MYT1L: variants seen among roughly 807,000 people sequenced by gnomAD.
The protein encoded by MYT1L is myelin transcription factor 1 like, also known as myelin transcription factor 1-like protein.
Under a neutral mutation model 126.7 loss-of-function variants are expected in MYT1L, and 12 were observed. That is an observed-to-expected ratio of 0.09 (90% confidence interval 0.06 to 0.15). The LOEUF (loss-of-function observed/expected upper bound fraction) is 0.15. Among genes scored for constraint, MYT1L ranks in the 10% least tolerant of loss-of-function variants. The pLI is 1.00. For synonymous variants in MYT1L, 541 were observed against 604.2 expected, an observed-to-expected ratio of 0.90 and a Z score of 1.53; for missense variants, 979 against 1,585.2, an observed-to-expected ratio of 0.62 and a Z score of 6.49.
chr2:1,865,931 C>T (rs1413957992), intron 18 of MYT1L, among the ~76,000 whole-genome samples: 1 of 152,214 alleles, frequency 6.6e-6, no homozygotes, highest in South Asian at 2.1e-4. Flanking sequence ...GAAATAGGCA[C>T]AGGCATTCAG....
chr2:2,106,521 G>A (rs2150530190), intron 3 of MYT1L, among the ~76,000 whole-genome samples: 1 of 152,304 alleles, frequency 6.6e-6, no homozygotes, highest in East Asian at 1.9e-4. Flanking sequence ...AGGAGGCTGA[G>A]GCAGGAGAAT....
intron 8 of MYT1L, among the ~76,000 whole-genome samples, chr2:1,945,162 C>T (rs776621513): frequency 1.1e-4 from 16 of 152,132 alleles, no homozygotes; most frequent in Non-Finnish European, 1.8e-4. Context: ...GAGAGTCCGG[C>T]GGGGTCCAAT....
In MYT1L at chr2:1,789,409, T is replaced by A. The variant is rs1484433084; in HGVS notation, c.*2458A>T. 4 of 152,228 alleles carry A rather than the reference T, an allele frequency of 2.6e-5. No homozygotes were observed. Among genetic ancestry groups the A allele is most frequent in the African/African-American group, 9.6e-5 (4 of 41,454 alleles). 9.4% of individuals were successfully genotyped at this position (152,228 alleles called of 1,614,324 possible). A position where few individuals can be genotyped will look rare whatever the true frequency, so the allele number is the denominator to read the frequency against. ...AGAAATGAATATGAACAATAAGTTA[T>A]AATAAACTCTGATGACTCACAATAA... On this transcript the variant is annotated 3_prime_UTR_variant, in exon 25 of 25. Coordinates refer to ENST00000647738, the MANE Select transcript of MYT1L (RefSeq NM_001303052.2).
chr2:2,051,041 A>G (rs1443064831), intron 4 of MYT1L, among the ~76,000 whole-genome samples: 2 of 152,184 alleles, frequency 1.3e-5, no homozygotes, highest in African/African-American at 4.8e-5. Flanking sequence ...AACTTCTTAG[A>G]GAGGACCATT....
At chr2:1,794,916 G>A (rs760918386) in intron 23 of MYT1L, among the ~76,000 whole-genome samples, 2 of 152,206 alleles carry the variant, frequency 1.3e-5, no homozygotes, top group Non-Finnish European at 2.9e-5. Flanking sequence ...TCCTGAACCA[G>A]GCTGCTTGGT....
At chr2:2,295,182 G>T (rs938021634) in intron 1 of MYT1L, among the ~76,000 whole-genome samples, 2 of 152,210 alleles carry the variant, frequency 1.3e-5, no homozygotes, top group African/African-American at 4.8e-5. Context: ...AGCTGAGACA[G>T]AGGAGCCAGG....
intron 8 of MYT1L, among the ~76,000 whole-genome samples, chr2:1,956,237 T>TATCTATCTGTCTATC (rs1558530321): frequency 7.8e-6 from 1 of 128,828 alleles, no homozygotes; most frequent in African/African-American, 2.7e-5. Flanking sequence ...GTCTATCATC[T>TATCTATCTGTCTATC]ATCTATCCTA....
intron 22 of MYT1L, among the ~76,000 whole-genome samples, chr2:1,805,800 C>A (rs1177508553): frequency 6.6e-6 from 1 of 152,160 alleles, no homozygotes; most frequent in Non-Finnish European, 1.5e-5. Flanking sequence ...GTGGGAGGAT[C>A]GCTTGACCCT....
chr2:1,904,789 C>A (rs1245437107), intron 13 of MYT1L, among the ~76,000 whole-genome samples: 1 of 143,888 alleles, frequency 6.9e-6, no homozygotes, highest in African/African-American at 2.8e-5. Context: ...AACCACCACG[C>A]CTGGCTAATT....
intron 9 of MYT1L, among the ~76,000 whole-genome samples, chr2:1,933,890 C>T (rs968320742): frequency 6.6e-6 from 1 of 151,714 alleles, no homozygotes; most frequent in African/African-American, 2.4e-5. Flanking sequence ...TTTAAATAAA[C>T]ACATTGGTCT....
intron 3 of MYT1L, among the ~76,000 whole-genome samples, chr2:2,157,383 G>C (rs960461208): frequency 2.0e-5 from 3 of 152,162 alleles, no homozygotes; most frequent in African/African-American, 7.2e-5. Context: ...CCATGGACTA[G>C]ACTTTTGTAA....
Position 1,852,038 on chromosome 2 carries a change from C to A in MYT1L, c.2712-335G>T, listed in dbSNP as rs1238643133. On this transcript the variant is annotated intron_variant, in intron 18 of 24. Coordinates refer to ENST00000647738, the MANE Select transcript of MYT1L (RefSeq NM_001303052.2). This position sits in a 1 kb window ranked among gnomAD's most constrained non-coding sequence, Gnocchi z 4.0. ...CATTCTTAAAGCTCAGCAGAGCCAG[C>A]AACCACAGGGCTTGTTACTGCACCA... Among the ~76,000 whole-genome samples, 1 of 152,190 alleles carries A rather than the reference C, an allele frequency of 6.6e-6. No homozygotes were observed. The highest frequency in any genetic ancestry group is 2.4e-5 in the African/African-American group (1 of 41,440).
chr2:2,004,320 GGCGTTCTTTCCT>G (rs1558698534), intron 4 of MYT1L, among the ~76,000 whole-genome samples: 1 of 20,370 alleles, frequency 4.9e-5, no homozygotes, highest in African/African-American at 2.4e-4. Flanking sequence ...CTTTCCTGCA[GGCGTTCTTTCCT>G]GCATACGTTC....
At position 1,791,917 on chromosome 2, in the gene MYT1L, T is replaced by C; in HGVS notation, c.3511A>G (p.Lys1171Glu). 1 of 1,611,992 alleles carries C rather than the reference T, an allele frequency of 6.2e-7. No individual in the cohort carries two copies. The highest frequency in any genetic ancestry group is 8.5e-7 in the Non-Finnish European group (1 of 1,179,396). The change falls in exon 25 of 25, where the codon AAA (lysine) becomes GAA (glutamate). Residue 1171 changes from lysine to glutamate, a missense_variant. Lys to Glu is a moderately conservative substitution (Grantham distance 56). This residue lies in a region of MYT1L where 179 missense variants were observed against 398.6 expected (regional missense o/e 0.45). Coordinates refer to ENST00000647738, the MANE Select transcript of MYT1L (RefSeq NM_001303052.2). This position sits in a 1 kb window ranked among gnomAD's most constrained non-coding sequence, Gnocchi z 6.0. ...TGCTTTATATTTTCCAGTAGGGCTT[T>C]ATTTTCTGGACTCTGATAACGATCT... ...NQDRYQSPEN[K>E]ALLENIKQAV...
chr2:1,976,344 A>G (rs2060185009), intron 8 of MYT1L, among the ~76,000 whole-genome samples: 2 of 152,084 alleles, frequency 1.3e-5, no homozygotes, highest in Non-Finnish European at 2.9e-5. Flanking sequence ...CAAAACCAGT[A>G]AAAAAACAAT....
intron 21 of MYT1L, among the ~76,000 whole-genome samples, chr2:1,838,937 A>AG (rs1572721141): frequency 6.6e-6 from 1 of 152,224 alleles, no homozygotes; most frequent in East Asian, 1.9e-4. Flanking sequence ...GATGGGGCTG[A>AG]GGGAGGCTGG....
At chr2:1,833,060 G>A (rs2040400257) in intron 21 of MYT1L, among the ~76,000 whole-genome samples, 1 of 152,178 alleles carries the variant, frequency 6.6e-6, no homozygotes, top group Non-Finnish European at 1.5e-5. Flanking sequence ...TTAGGGGGAG[G>A]GTGAGCTGCA....
In MYT1L at chr2:1,943,361, GGAGA is replaced by G; in HGVS notation, c.153-31_153-28del. The G allele has an allele frequency of 6.6e-7, 1 of 1,505,000 alleles. No individual in the cohort carries two copies. Among genetic ancestry groups the G allele is most frequent in the Non-Finnish European group, 8.9e-7 (1 of 1,129,392 alleles). 93.2% of individuals were successfully genotyped at this position (1,505,000 alleles called of 1,614,324 possible). A position where few individuals can be genotyped will look rare whatever the true frequency, so the allele number is the denominator to read the frequency against. ...TAATTAAAAAAATAGAGAAGGCAGG[GGAGA>G]GAGAGAAAAAAAATATCTGTGTTAC... On this transcript the variant is annotated intron_variant, in intron 8 of 24. Coordinates refer to ENST00000647738, the MANE Select transcript of MYT1L (RefSeq NM_001303052.2). This position sits in a 1 kb window ranked among gnomAD's most constrained non-coding sequence, Gnocchi z 4.4.
intron 8 of MYT1L, among the ~76,000 whole-genome samples, chr2:1,961,817 C>A (rs191554594): frequency 2.0e-3 from 312 of 152,274 alleles, no homozygotes; most frequent in African/African-American, 7.0e-3. Flanking sequence ...GGTTTCCCAG[C>A]ACAATATAAA....
Sources: allele counts gnomAD v4.1 joint callset (sites outside exome capture counted in the v4.1 genomes callset), GRCh38; gene constraint gnomAD v4.1.1; regional missense constraint gnomAD v4.1.1; non-coding constraint Gnocchi (gnomAD v3.1); transcripts MANE v1.5; gene names NCBI Gene and HGNC (gene_info 2026-07-23, HGNC 2026-07-21).